The following KCNAB1 variants were observed in gnomAD, a reference collection of about 807,000 sequenced individuals.
The protein encoded by KCNAB1 is voltage-gated potassium channel subunit beta-1.
KCNAB1 carries 35 observed loss-of-function variants against 64.6 expected under a neutral mutation model. The observed-to-expected ratio is 0.54, with a 90% CI of 0.41 to 0.72. The LOEUF is 0.72. Among genes scored for constraint, KCNAB1 ranks in the 30% least tolerant of loss-of-function variants. KCNAB1 has a pLI of 0.00. For synonymous variants in KCNAB1, 177 were observed against 183.8 expected, an observed-to-expected ratio of 0.96 and a Z score of 0.30; for missense variants, 401 against 512.9, an observed-to-expected ratio of 0.78 and a Z score of 2.11.
chr3:156,211,848 G>A (rs1715028269), intron 1 of KCNAB1, among the ~76,000 whole-genome samples: 1 of 152,214 alleles, frequency 6.6e-6, no homozygotes, highest in Non-Finnish European at 1.5e-5. Flanking sequence ...TTTCTTATCT[G>A]AGATGTGGAA....
chr3:156,231,073 C>T (rs1716492135), intron 1 of KCNAB1, among the ~76,000 whole-genome samples: 2 of 152,150 alleles, frequency 1.3e-5, no homozygotes, highest in Admixed American at 1.3e-4. Context: ...CACAGGTGTA[C>T]CCTTTCCATC....
intron 11 of KCNAB1, among the ~76,000 whole-genome samples, chr3:156,520,811 A>G (rs1435272301): frequency 3.9e-5 from 6 of 152,212 alleles, no homozygotes. Context: ...TGAGTCAAAG[A>G]CTTTGAAGTT....
chr3:156,486,605 T>A (rs1427727141), intron 8 of KCNAB1, among the ~76,000 whole-genome samples: 2 of 152,092 alleles, frequency 1.3e-5, no homozygotes, highest in East Asian at 3.9e-4. Context: ...GTGGCACCAC[T>A]GGGGGAGTGC....
At chr3:156,395,864 T>C (rs1713427914) in intron 1 of KCNAB1, among the ~76,000 whole-genome samples, 1 of 152,162 alleles carries the variant, frequency 6.6e-6, no homozygotes, top group Admixed American at 6.5e-5. Context: ...ATTCCTCCAG[T>C]GCACGGGAAA....
intron 1 of KCNAB1, among the ~76,000 whole-genome samples, chr3:156,155,823 G>A (rs1162211308): frequency 6.6e-6 from 1 of 152,198 alleles, no homozygotes; most frequent in East Asian, 1.9e-4. Flanking sequence ...CATGGTCGTG[G>A]TTTATTACAG....
chr3:156,415,657 C>T (rs536380122), intron 1 of KCNAB1, among the ~76,000 whole-genome samples: 3 of 152,306 alleles, frequency 2.0e-5, no homozygotes, highest in African/African-American at 4.8e-5. Flanking sequence ...TCCACAGACA[C>T]TTTCCTGATC....
chr3:156,260,449 C>A (rs1262277208), intron 1 of KCNAB1, among the ~76,000 whole-genome samples: 5 of 152,188 alleles, frequency 3.3e-5, no homozygotes, highest in African/African-American at 1.2e-4. Context: ...CCAGCCCCAG[C>A]AACCACTAAT....
chr3:156,513,182 A>G (rs1330529918), intron 8 of KCNAB1, among the ~76,000 whole-genome samples: 2 of 152,144 alleles, frequency 1.3e-5, no homozygotes, highest in Non-Finnish European at 2.9e-5. Context: ...ACTGCACTCC[A>G]GCCTGGGCCA....
intron 1 of KCNAB1, among the ~76,000 whole-genome samples, chr3:156,287,712 G>A (rs1720176360): frequency 6.6e-6 from 1 of 151,860 alleles, no homozygotes; most frequent in South Asian, 2.1e-4. Flanking sequence ...AGCAACTCAG[G>A]AGGCTGAGGC....
At chr3:156,522,266 G>T (rs1014269462) in intron 11 of KCNAB1, among the ~76,000 whole-genome samples, 4 of 151,812 alleles carry the variant, frequency 2.6e-5, no homozygotes, top group African/African-American at 9.7e-5. Flanking sequence ...AGAGATATTG[G>T]TCCTCTGAAA....
intron 1 of KCNAB1, among the ~76,000 whole-genome samples, chr3:156,314,996 A>G (rs1722181486): frequency 6.6e-6 from 1 of 152,226 alleles, no homozygotes; most frequent in South Asian, 2.1e-4. Flanking sequence ...CCTGGGTGAC[A>G]GAAGGAGACT....
At chr3:156,497,623 A>G (rs1716096159) in intron 8 of KCNAB1, among the ~76,000 whole-genome samples, 2 of 152,228 alleles carry the variant, frequency 1.3e-5, no homozygotes, top group Admixed American at 6.5e-5. Context: ...AATTTAAAAG[A>G]TCAGAAATTT....
intron 1 of KCNAB1, among the ~76,000 whole-genome samples, chr3:156,165,758 C>T (rs945669987): frequency 6.6e-6 from 1 of 151,914 alleles, no homozygotes; most frequent in Non-Finnish European, 1.5e-5. Flanking sequence ...GGCTTTATTC[C>T]CTTTTGTTCT....
In KCNAB1 at chr3:156,457,487, G is replaced by A; in HGVS notation, c.392G>A (p.Ser131Asn). 2 of 1,613,934 alleles carry A rather than the reference G, an allele frequency of 1.2e-6. No individual in the cohort carries two copies. Among genetic ancestry groups the A allele is most frequent in the Non-Finnish European group, 1.7e-6 (2 of 1,179,848 alleles). Residue 131 changes from serine (S) to asparagine (N), a missense_variant, in exon 4 of 14, where the codon AGT (serine) becomes AAT (asparagine). Ser to Asn is a conservative substitution (Grantham distance 46, BLOSUM62 1). Coordinates refer to ENST00000490337, the MANE Select transcript of KCNAB1 (RefSeq NM_172160.3). ...CGGCTGATGACCATCGCCTATGAAAGTGGTGTTAACCTCTTTGATACTGCC... is the reference window on the plus strand; with the variant it reads ...CGGCTGATGACCATCGCCTATGAAAATGGTGTTAACCTCTTTGATACTGCC... ...AERLMTIAYE[S>N]GVNLFDTAEV... is the part of the protein sequence containing the mutation.
At chr3:156,410,269 A>G (rs1229444102) in intron 1 of KCNAB1, among the ~76,000 whole-genome samples, 3 of 152,190 alleles carry the variant, frequency 2.0e-5, no homozygotes, top group African/African-American at 7.2e-5. Context: ...ACCCGGTGAA[A>G]AACAAATTTG....
At chr3:156,309,751 G>C (rs1179982503) in intron 1 of KCNAB1, among the ~76,000 whole-genome samples, 1 of 152,194 alleles carries the variant, frequency 6.6e-6, no homozygotes, top group Non-Finnish European at 1.5e-5. Context: ...TGGTGTAAAG[G>C]CTGGCAGTCC....
rs1005778182 is a variant in KCNAB1 at position 156,298,742 on chromosome 3, A to G, written c.276-122874A>G. On this transcript the variant is annotated intron_variant, in intron 1 of 13. Transcript: ENST00000490337. The stretch of plus-strand genomic sequence containing the variant: ...TCTCTTATGAGAAGAATTCAGTAGC[A>G]TCAATTCATACTTTTTCTTGAAGAA... 4.6e-5 allele frequency among the ~76,000 whole-genome samples: 7 copies of G among 152,236 alleles called. No homozygotes were observed. In the East Asian group the frequency reaches 1.3e-3, roughly 29 times the overall value.
At chr3:156,150,888 T>C (rs1256177339) in intron 1 of KCNAB1, among the ~76,000 whole-genome samples, 1 of 152,212 alleles carries the variant, frequency 6.6e-6, no homozygotes, top group Non-Finnish European at 1.5e-5. Context: ...AAGCCTATGT[T>C]ATTATAACCT....
intron 2 of KCNAB1, among the ~76,000 whole-genome samples, chr3:156,440,566 C>G (rs988257165): frequency 6.6e-6 from 1 of 152,198 alleles, no homozygotes; most frequent in Non-Finnish European, 1.5e-5. Context: ...TTATGATTTA[C>G]TATTGCTCCA....
Sources: gnomAD v4.1 joint callset for allele counts (sites outside exome capture counted in the v4.1 genomes callset) on GRCh38, gnomAD v4.1.1 for gene constraint, MANE v1.5 for transcripts, NCBI Gene and HGNC (gene_info 2026-07-23, HGNC 2026-07-21) for gene names.